FGD5: variants seen among roughly 807,000 people sequenced by gnomAD.
The protein encoded by FGD5 is FYVE, RhoGEF and PH domain-containing protein 5.
FGD5 carries 28 observed loss-of-function variants against 133.4 expected under a neutral mutation model. The ratio of observed to expected loss-of-function variants is 0.21; its 90% CI spans 0.16 to 0.29. The LOEUF is 0.29. Ranked by LOEUF, FGD5 falls within the 10% of genes least tolerant of loss-of-function variation. FGD5 has a pLI of 1.00. For missense variants in FGD5, 1,858 were observed against 1,895.2 expected, an observed-to-expected ratio of 0.98 and a Z score of 0.36; for synonymous variants, 810 against 776.5, an observed-to-expected ratio of 1.04 and a Z score of -0.72.
chr3:14,864,245 C>T lies in FGD5; in HGVS notation c.2643C>T (p.Pro881=). The change falls in exon 2 of 20, where the codon CCC becomes CCT. Residue 881 remains proline, a synonymous_variant. Transcript: ENST00000285046. The part of the protein sequence containing the change: ...SEEEDSASRD[P]SVTHKVEGQS... ...AGGAGGACAGTGCTTCAAGAGACCC[C>T]AGTGTCACCCACAAGGTAGGGCACC... 6.2e-7 allele frequency: 1 copy of T among 1,613,986 alleles called. No individual in the cohort carries two copies. The highest frequency in any genetic ancestry group is 1.1e-5 in the South Asian group (1 of 91,082).
intron 1 of FGD5, chr3:14,811,283 C>G (rs1396629245): frequency 6.6e-6 from 1 of 152,320 alleles, no homozygotes; most frequent in Non-Finnish European, 1.5e-5. Context: ...AGGGGCAACA[C>G]CTGACCCACG....
intron 2 of FGD5, among the ~76,000 whole-genome samples, chr3:14,869,310 TACAA>T (rs72052662): frequency 0.097 from 14,626 of 151,248 alleles, 840 homozygotes; most frequent in East Asian, 0.3. Context: ...ACAACAACAA[TACAA>T]ACAAACAAAC....
chr3:14,832,046 AAG>A (rs2036719172), intron 1 of FGD5, among the ~76,000 whole-genome samples: 1 of 152,114 alleles, frequency 6.6e-6, no homozygotes, highest in East Asian at 1.9e-4. Flanking sequence ...GCACAGCAAA[AAG>A]AGAGAATGAG....
chr3:14,923,159 C>G lies in FGD5; in HGVS notation c.3921C>G (p.Val1307=), dbSNP rs1021185215. 4 of 1,613,292 alleles carry G rather than the reference C, an allele frequency of 2.5e-6. No homozygotes were observed. In the East Asian group the frequency reaches 8.9e-5, roughly 36 times the overall value. Residue 1307 remains valine (V), a synonymous_variant, in exon 16 of 20, where the codon GTC becomes GTG. Transcript: ENST00000285046. The part of the protein sequence containing the change: ...FGELKKRGRA[V]PGLMRERPVS... ...AGCTGAAGAAGCGGGGCAGGGCTGT[C>G]CCGGGCCTGATGAGAGGTAACCTGG...
chr3:14,932,075 A>G (rs770603973), intron 18 of FGD5: 1 of 152,264 alleles, frequency 6.6e-6, no homozygotes, highest in Non-Finnish European at 1.5e-5. Context: ...GTCTCAACAT[A>G]CGTCACATAT....
chr3:14,898,278 C>T (rs375757426), intron 6 of FGD5, among the ~76,000 whole-genome samples, 183 bp downstream of exon 6: 9 of 152,174 alleles, frequency 5.9e-5, no homozygotes, highest in South Asian at 2.1e-4. Flanking sequence ...TCAGAACATC[C>T]GCTGTTGGGC....
intron 1 of FGD5, chr3:14,811,450 C>T (rs1212083049): frequency 6.6e-6 from 1 of 152,212 alleles, no homozygotes; most frequent in African/African-American, 2.4e-5. Context: ...AAATTAATCC[C>T]CCTATAGCGC....
Position 14,932,659 on chromosome 3 carries a change from C to CTAT in FGD5, c.4282_4284dup (p.Ile1428dup). 1.9e-6 allele frequency: 3 copies of CTAT among 1,614,030 alleles called. No homozygotes were observed. Among genetic ancestry groups the CTAT allele is most frequent in the Non-Finnish European group, 1.7e-6 (2 of 1,179,896 alleles). On this transcript the variant is annotated inframe_insertion, in exon 19 of 20. Coordinates refer to ENST00000285046, the MANE Select transcript of FGD5 (RefSeq NM_152536.4). ...GAAGAGGGCAGCAGTGAAGTAGGAC[C>CTAT]TATTTTTCACCTTTACCACAAGAAA...
chr3:14,910,326 A>G lies in FGD5; in HGVS notation c.3337-535A>G, dbSNP rs564725117. Among the ~76,000 whole-genome samples, 11 of 152,276 alleles carry G rather than the reference A, an allele frequency of 7.2e-5. No homozygotes were observed. In the East Asian group the frequency reaches 1.9e-3, roughly 27 times the overall value. On this transcript the variant is annotated intron_variant, in intron 10 of 19. Transcript: ENST00000285046. Reference sequence around the variant, plus strand: ...ACCCGCACGCATCTCCTTAAATCATACTTAATTTCCAAACAAAGACAATAA... The same window carrying G: ...ACCCGCACGCATCTCCTTAAATCATGCTTAATTTCCAAACAAAGACAATAA...
chr3:14,836,264 C>T (rs1001064570), intron 1 of FGD5, among the ~76,000 whole-genome samples: 2 of 152,208 alleles, frequency 1.3e-5, no homozygotes, highest in Non-Finnish European at 2.9e-5. Flanking sequence ...GCTCCCCGCC[C>T]GGGAAGCTCC....
intron 1 of FGD5, among the ~76,000 whole-genome samples, chr3:14,851,847 T>C (rs775347964): frequency 1.3e-5 from 2 of 151,698 alleles, no homozygotes; most frequent in African/African-American, 2.4e-5. Flanking sequence ...GGGAGGAGGC[T>C]GAGATGGAAT....
intron 4 of FGD5, among the ~76,000 whole-genome samples, chr3:14,881,418 G>C (rs2037822651): frequency 6.6e-6 from 1 of 152,236 alleles, no homozygotes; most frequent in South Asian, 2.1e-4. Flanking sequence ...TGGAGAATGG[G>C]AAGACAGGTC....
chr3:14,904,258 C>T (rs1485457924), intron 9 of FGD5, among the ~76,000 whole-genome samples: 5 of 152,166 alleles, frequency 3.3e-5, no homozygotes, highest in Admixed American at 3.3e-4. Flanking sequence ...GCTCCCTCCT[C>T]TTGAGGGCAC....
intron 2 of FGD5, among the ~76,000 whole-genome samples, chr3:14,865,985 G>A (rs1019988862): frequency 2.0e-5 from 3 of 152,216 alleles, no homozygotes; most frequent in African/African-American, 7.2e-5. Flanking sequence ...GTTGCCATCA[G>A]AGATTTGGTC....
intron 4 of FGD5, among the ~76,000 whole-genome samples, chr3:14,888,225 A>T (rs914825771): frequency 2.6e-5 from 4 of 151,800 alleles, no homozygotes; most frequent in Admixed American, 6.6e-5. Context: ...TACTTAATTG[A>T]TCTGTAACAG....
chr3:14,833,826 C>T (rs1282354814), intron 1 of FGD5, among the ~76,000 whole-genome samples: 1 of 151,904 alleles, frequency 6.6e-6, no homozygotes, highest in African/African-American at 2.4e-5. Flanking sequence ...GAAGACACAC[C>T]TGCCGACAAG....
chr3:14,885,842 T>G (rs1021534533), intron 4 of FGD5, among the ~76,000 whole-genome samples: 1 of 152,238 alleles, frequency 6.6e-6, no homozygotes, highest in Non-Finnish European at 1.5e-5. Context: ...GTCTCTCCTA[T>G]TCAATGGGAG....
intron 1 of FGD5, among the ~76,000 whole-genome samples, chr3:14,852,849 GACACGAC>G (rs2037193160): frequency 6.6e-6 from 1 of 152,192 alleles, no homozygotes; most frequent in Non-Finnish European, 1.5e-5. Context: ...CCTCACTTCA[GACACGAC>G]GAGGCACCAG....
chr3:14,812,632 C>G (rs138725763), intron 1 of FGD5, among the ~76,000 whole-genome samples: 1 of 152,134 alleles, frequency 6.6e-6, no homozygotes, highest in African/African-American at 2.4e-5. Context: ...ACATTCAGGC[C>G]GTGCCCCATG....
Sources: gnomAD v4.1 joint callset for allele counts (sites outside exome capture counted in the v4.1 genomes callset) on GRCh38, gnomAD v4.1.1 for gene constraint, MANE v1.5 for transcripts, NCBI Gene and HGNC (gene_info 2026-07-23, HGNC 2026-07-21) for gene names.